Variants in SLC43A3 observed in about 807,000 individuals in gnomAD.
SLC43A3 encodes the protein solute carrier family 43 member 3, also known as equilibrative nucleobase transporter 1.
Under a neutral mutation model 53.3 loss-of-function variants are expected in SLC43A3, and 33 were observed. The observed-to-expected ratio is 0.62, with a 90% CI of 0.47 to 0.83. The LOEUF is 0.83. Ranked by LOEUF, SLC43A3 falls within the 40% of genes least tolerant of loss-of-function variation. The probability of loss-of-function intolerance (pLI) is 0.00; values close to 1 mark genes in which losing one functional copy is unlikely to be tolerated. For synonymous variants in SLC43A3, 236 were observed against 246.2 expected, an observed-to-expected ratio of 0.96 and a Z score of 0.39; for missense variants, 530 against 610.0, an observed-to-expected ratio of 0.87 and a Z score of 1.38.
Position 57,407,537 on chromosome 11 carries a change from G to C in SLC43A3, c.*255C>G. ...AGTCAAGGGTCTGCCAAGGCTAAGT[G>C]CAAGGAGACACTTCTGTTTTGAAAT... On this transcript the variant is annotated 3_prime_UTR_variant, in exon 14 of 14. Transcript: ENST00000395124. 2.4e-6 allele frequency: 1 copy of C among 419,204 alleles called. No individual in the cohort carries two copies. The highest frequency in any genetic ancestry group is 2.7e-5 in the South Asian group (1 of 36,662). 26.0% of individuals were successfully genotyped at this position (419,204 alleles called of 1,614,324 possible).
intron 4 of SLC43A3, 27 bp from the exon 5 acceptor site, chr11:57,424,055 A>G (rs1222984771): frequency 6.2e-7 from 1 of 1,611,622 alleles, no homozygotes; most frequent in African/African-American, 1.3e-5. Flanking sequence ...GAAAAGCAGA[A>G]TATTGTCAAG....
At position 57,426,109 on chromosome 11, in the gene SLC43A3, C is replaced by A; in HGVS notation, c.64G>T (p.Gly22Cys). ...CAGCCAAAGAGGACGCCAGCAAAGC[C>A]CAGGCATTCCAGCAGCCCAGTCAGC... ...TLLTGLLECL[G>C]FAGVLFGWPS... Residue 22 changes from glycine (G) to cysteine (C), a missense_variant, in exon 3 of 14, where the codon GGC (glycine) becomes TGC (cysteine). Gly to Cys is a radical substitution (Grantham distance 159). Coordinates refer to ENST00000395124, the MANE Select transcript of SLC43A3 (RefSeq NM_199329.3). The A allele has an allele frequency of 6.2e-7, 1 of 1,614,256 alleles. No homozygotes were observed. The highest frequency in any genetic ancestry group is 8.5e-7 in the Non-Finnish European group (1 of 1,180,046).
At chr11:57,410,643 A>C (rs965621004) in intron 11 of SLC43A3, among the ~76,000 whole-genome samples, 4 of 152,176 alleles carry the variant, frequency 2.6e-5, no homozygotes, top group African/African-American at 9.7e-5. Context: ...AAAAAAAAAA[A>C]AAACTCTGCA....
chr11:57,415,113 G>C lies in SLC43A3; in HGVS notation c.770-7C>G, dbSNP rs919625210. On this transcript the variant is annotated splice_polypyrimidine_tract_variant and splice_region_variant and intron_variant, in intron 9 of 13. Transcript: ENST00000395124. ...TGCCCTGCCCCTGGGGTCTCTAATG[G>C]GGAGAGGAGGATCTGGGCGTGAATT... 1 of 1,602,738 alleles carries C rather than the reference G, an allele frequency of 6.2e-7. No homozygotes were observed. Among genetic ancestry groups the C allele is most frequent in the Non-Finnish European group, 8.5e-7 (1 of 1,174,086 alleles).
chr11:57,407,665 TTGTG>T lies in SLC43A3; in HGVS notation c.*123_*126del, dbSNP rs3832767. 8,241 of 552,940 alleles carry T rather than the reference TTGTG, an allele frequency of 0.015. 237 individuals carry two copies. Among genetic ancestry groups the T allele is most frequent in the African/African-American group, 0.11 (5,549 of 52,446 alleles). The allele number at this position is 552,940 out of a possible 1,614,324, so 34.3% of individuals were successfully genotyped here. A position where few individuals can be genotyped will look rare whatever the true frequency, so the allele number is the denominator to read the frequency against. On this transcript the variant is annotated 3_prime_UTR_variant, in exon 14 of 14. Transcript: ENST00000395124. ...GCAGACGTCCTTGTGTGTCTTTATTTTGTGTGTGTGTGTGTGTGTGTGTGTGTTT... is the reference window on the plus strand; with the variant it reads ...GCAGACGTCCTTGTGTGTCTTTATTTTGTGTGTGTGTGTGTGTGTGTGTTT...
At position 57,410,041 on chromosome 11, in the gene SLC43A3, G is replaced by C. The variant is rs980606526; in HGVS notation, c.1141C>G (p.Leu381Val). The C allele has an allele frequency of 2.5e-6, 4 of 1,613,046 alleles. No individual in the cohort carries two copies. The highest frequency in any genetic ancestry group is 2.5e-6 in the Non-Finnish European group (3 of 1,179,756). Residue 381 changes from leucine to valine, a missense_variant, in exon 12 of 14, where the codon CTC becomes GTC. Leu to Val is a conservative substitution (Grantham distance 32). Transcript: ENST00000395124. ...GGGAGGATGGGGACTGAGGCACAGAGGGCGAAGCCCAGGCACAGCAGGGAT... is the reference window on the plus strand; with the variant it reads ...GGGAGGATGGGGACTGAGGCACAGACGGCGAAGCCCAGGCACAGCAGGGAT... Reference protein sequence around the residue: ...LTSLLCLGFALCASVPILPLQ... With the variant: ...LTSLLCLGFAVCASVPILPLQ...
At chr11:57,421,267 C>G (rs749459198) in intron 6 of SLC43A3, 30 bp downstream of exon 6, 1 of 1,579,686 alleles carries the variant, frequency 6.3e-7, no homozygotes, top group Non-Finnish European at 8.7e-7. Context: ...GCCACCCTGC[C>G]GAGTGCCTGG....
rs749175825 is a variant in SLC43A3, at chr11:57,416,568, C to A, written c.769+5G>T. On this transcript the variant is annotated splice_donor_5th_base_variant and intron_variant, in intron 9 of 13. Transcript: ENST00000395124. Reference sequence around the variant, plus strand: ...AGGAGAGATGGGTTAGCCAGCAGGGCTCACCTTCCTTCGCTGAAAGGAACT... The same window carrying A: ...AGGAGAGATGGGTTAGCCAGCAGGGATCACCTTCCTTCGCTGAAAGGAACT... 6.2e-7 allele frequency: 1 copy of A among 1,612,160 alleles called. No individual in the cohort carries two copies. The highest frequency in any genetic ancestry group is 8.5e-7 in the Non-Finnish European group (1 of 1,178,366).
At chr11:57,413,466 A>C (rs935590059) in intron 11 of SLC43A3, among the ~76,000 whole-genome samples, 7 of 152,230 alleles carry the variant, frequency 4.6e-5, no homozygotes, top group African/African-American at 1.7e-4. Context: ...CTTATTTGTT[A>C]GAGATACATG....
chr11:57,419,421 T>A (rs1215481277), intron 7 of SLC43A3, among the ~76,000 whole-genome samples: 2 of 152,138 alleles, frequency 1.3e-5, no homozygotes. Flanking sequence ...AATTGCTCAA[T>A]AAATTGACAG....
In SLC43A3 at chr11:57,409,289, T is replaced by C. The variant is rs1942342768; in HGVS notation, c.1257A>G (p.Ser419=). ...NAAFLTLAFP[S]EHFGKLFGLV... ...GCCCAAAGAGCTTGCCAAAGTGCTC[T>C]GAAGGGAAACTGGGGAGAGAAACCA... The change falls in exon 13 of 14, where the codon TCA becomes TCG. Residue 419 remains serine (S), a synonymous_variant. Coordinates refer to ENST00000395124, the MANE Select transcript of SLC43A3 (RefSeq NM_199329.3). 6.2e-7 allele frequency: 1 copy of C among 1,614,056 alleles called. No homozygotes were observed. Among genetic ancestry groups the C allele is most frequent in the Admixed American group, 1.7e-5 (1 of 60,004 alleles).
intron 4 of SLC43A3, among the ~76,000 whole-genome samples, chr11:57,424,284 TTGGACAA>T: frequency 6.6e-6 from 1 of 152,186 alleles, no homozygotes; most frequent in Non-Finnish European, 1.5e-5. Context: ...ATGGAAAGTC[TTGGACAA>T]TGAGCTCAGC....
intron 12 of SLC43A3, among the ~76,000 whole-genome samples, 164 bp from the exon 13 acceptor site, chr11:57,409,462 C>T (rs1465117049): frequency 6.6e-6 from 1 of 152,236 alleles, no homozygotes; most frequent in African/African-American, 2.4e-5. Flanking sequence ...TCTGCTCAGA[C>T]ATTTGACCCA....
chr11:57,421,106 G>T, intron 6 of SLC43A3, 42 bp from the exon 7 acceptor site: 1 of 1,460,912 alleles, frequency 6.8e-7, no homozygotes, highest in Non-Finnish European at 9.6e-7. Flanking sequence ...ATTTATTCAT[G>T]AAACAGATAC....
rs868586217 is a variant in SLC43A3 at position 57,412,635 on chromosome 11, A to G, written c.1060+1980T>C. Among the ~76,000 whole-genome samples the G allele has an allele frequency of 3.3e-5, 5 of 152,270 alleles. No individual in the cohort carries two copies. The South Asian group carries it at 1.0e-3, about 32-fold the overall frequency. On this transcript the variant is annotated intron_variant, in intron 11 of 13. Coordinates refer to ENST00000395124, the MANE Select transcript of SLC43A3 (RefSeq NM_199329.3). ...TGAGACCAGCCTGGCCAACATGGTG[A>G]AACCCCATCTCTACTAAAAATACAA...
intron 3 of SLC43A3, 136 bp downstream of exon 3, chr11:57,425,853 T>C: frequency 7.5e-7 from 1 of 1,337,464 alleles, no homozygotes; most frequent in Non-Finnish European, 1.0e-6. Context: ...ACTTCCCAGA[T>C]CAAGTGGGGT....
chr11:57,407,479 G>A lies in SLC43A3; in HGVS notation c.*313C>T. 3.8e-6 allele frequency: 1 copy of A among 265,420 alleles called. No individual in the cohort carries two copies. Among genetic ancestry groups the A allele is most frequent in the Non-Finnish European group, 7.3e-6 (1 of 136,790 alleles). The allele number at this position is 265,420 out of a possible 1,614,324, so 16.4% of individuals were successfully genotyped here. On this transcript the variant is annotated 3_prime_UTR_variant, in exon 14 of 14. Transcript: ENST00000395124. ...GCCAAACAGGCCTAAAGAAATAGTTGACACACTTCCTCCCCCAGGTCATCT... is the reference window on the plus strand; with the variant it reads ...GCCAAACAGGCCTAAAGAAATAGTTAACACACTTCCTCCCCCAGGTCATCT...
intron 11 of SLC43A3, among the ~76,000 whole-genome samples, chr11:57,413,833 A>T (rs1942591088): frequency 6.6e-6 from 1 of 151,574 alleles, no homozygotes; most frequent in Non-Finnish European, 1.5e-5. Flanking sequence ...TCTCTCATTC[A>T]CCATTTTGAC....
Position 57,416,487 on chromosome 11 carries a change from G to A in SLC43A3, c.769+86C>T, listed in dbSNP as rs1942728803. ...CTGCCTTTCCTGATTCTGGGTCCCT[G>A]GGGGAGCTCTGGAGGTGAGGGGCCA... On this transcript the variant is annotated intron_variant, in intron 9 of 13. Coordinates refer to ENST00000395124, the MANE Select transcript of SLC43A3 (RefSeq NM_199329.3). The A allele has an allele frequency of 9.9e-6, 10 of 1,011,026 alleles. No individual in the cohort carries two copies. In the Admixed American group the frequency reaches 1.3e-4, roughly 14 times the overall value. 62.6% of individuals were successfully genotyped at this position (1,011,026 alleles called of 1,614,324 possible).
Sources: allele counts gnomAD v4.1 joint callset (sites outside exome capture counted in the v4.1 genomes callset), GRCh38; gene constraint gnomAD v4.1.1; transcripts MANE v1.5; gene names NCBI Gene and HGNC (gene_info 2026-07-23, HGNC 2026-07-21).